SLCO3A1: variants seen among roughly 807,000 people sequenced by gnomAD.
The protein encoded by SLCO3A1 is PGE1 transporter.
Under a neutral mutation model 63.1 loss-of-function variants are expected in SLCO3A1, and 27 were observed. The observed-to-expected ratio is 0.43, with a 90% CI of 0.32 to 0.59. The LOEUF is 0.59. Among genes scored for constraint, SLCO3A1 ranks in the 20% least tolerant of loss-of-function variants. The pLI is 0.09. For missense variants in SLCO3A1, 773 were observed against 945.8 expected, an observed-to-expected ratio of 0.82 and a Z score of 2.40; for synonymous variants, 473 against 409.9, an observed-to-expected ratio of 1.15 and a Z score of -1.86.
At chr15:92,093,877 A>G (rs930648726) in intron 2 of SLCO3A1, among the ~76,000 whole-genome samples, 4 of 151,962 alleles carry the variant, frequency 2.6e-5, no homozygotes, top group Non-Finnish European at 5.9e-5. Flanking sequence ...AGTGACATTC[A>G]TCTCTCACCC....
rs374560884 is a variant in SLCO3A1, at chr15:92,150,312, A to G, written c.1689-638A>G. Among the ~76,000 whole-genome samples, 4 of 152,036 alleles carry G rather than the reference A, an allele frequency of 2.6e-5. No individual in the cohort carries two copies. In the East Asian group the frequency reaches 5.8e-4, roughly 22 times the overall value. ...GATTGAGGCTGGGTCTGCCTTTCCCACCCCACTGACTCACTCAAATGTTAA... is the reference window on the plus strand; with the variant it reads ...GATTGAGGCTGGGTCTGCCTTTCCCGCCCCACTGACTCACTCAAATGTTAA... On this transcript the variant is annotated intron_variant, in intron 8 of 9. Transcript: ENST00000318445.
chr15:91,996,053 G>T (rs530461256), intron 2 of SLCO3A1, among the ~76,000 whole-genome samples: 30 of 151,996 alleles, frequency 2.0e-4, no homozygotes, highest in Non-Finnish European at 4.3e-4. Flanking sequence ...AACAAAATAA[G>T]ATTAGAAAAG....
intron 2 of SLCO3A1, among the ~76,000 whole-genome samples, chr15:92,047,618 A>AT (rs377745850): frequency 3.0e-4 from 9 of 29,722 alleles, no homozygotes; most frequent in Non-Finnish European, 4.4e-4. Flanking sequence ...TATAATATAT[A>AT]AATATATATA....
chr15:92,167,824 TA>T (rs79676091), downstream of SLCO3A1, among the ~76,000 whole-genome samples: 5,960 of 152,266 alleles, frequency 0.039, 329 homozygotes, highest in East Asian at 0.27. Context: ...TTATCAAACC[TA>T]AAATGGAAAA....
chr15:92,095,750 C>G (rs753789694), intron 3 of SLCO3A1, among the ~76,000 whole-genome samples: 2 of 152,150 alleles, frequency 1.3e-5, no homozygotes, highest in Admixed American at 6.5e-5. Flanking sequence ...CTTGGCTCAT[C>G]GTGGTGACCT....
intron 2 of SLCO3A1, among the ~76,000 whole-genome samples, chr15:92,008,046 G>A (rs375739924): frequency 2.6e-5 from 4 of 152,184 alleles, no homozygotes; most frequent in Non-Finnish European, 4.4e-5. Flanking sequence ...AAGTCGGCTC[G>A]GTAAACAGGA....
intron 7 of SLCO3A1, among the ~76,000 whole-genome samples, chr15:92,130,183 TC>T (rs2047975559): frequency 6.6e-6 from 1 of 152,198 alleles, no homozygotes; most frequent in African/African-American, 2.4e-5. Context: ...AAATTGCATT[TC>T]CCCTGATCTT....
At chr15:91,959,146 A>T (rs895336232) in intron 2 of SLCO3A1, among the ~76,000 whole-genome samples, 1 of 152,204 alleles carries the variant, frequency 6.6e-6, no homozygotes, top group Non-Finnish European at 1.5e-5. Context: ...GGAGGCTGTT[A>T]TTCTAAGGGA....
intron 5 of SLCO3A1, 96 bp from the exon 6 acceptor site, chr15:92,125,965 C>T (rs1470965143): frequency 8.0e-6 from 8 of 996,508 alleles, no homozygotes; most frequent in African/African-American, 1.6e-5. Context: ...GGTCATAGGG[C>T]ATTCACGGGA....
intron 2 of SLCO3A1, among the ~76,000 whole-genome samples, chr15:92,010,101 C>T (rs1361215247): frequency 6.6e-6 from 1 of 152,196 alleles, no homozygotes; most frequent in Non-Finnish European, 1.5e-5. Flanking sequence ...GATAAACTAC[C>T]ACATGACACT....
intron 2 of SLCO3A1, among the ~76,000 whole-genome samples, chr15:91,959,638 C>T (rs957056535): frequency 8.1e-5 from 12 of 147,446 alleles, no homozygotes; most frequent in Admixed American, 4.8e-4. Flanking sequence ...GCAGGAGAAT[C>T]GCTTGAACCT....
chr15:91,877,860 A>G (rs1177770137), intron 1 of SLCO3A1, among the ~76,000 whole-genome samples: 1 of 152,136 alleles, frequency 6.6e-6, no homozygotes, highest in East Asian at 1.9e-4. Context: ...GCCTGCAGCC[A>G]AAAGTTAGGG....
chr15:92,163,243 G>T lies in SLCO3A1; in HGVS notation c.*108G>T. ...ACCAAAACTCAGTACACACACACAG[G>T]CACAGATGCACACACACGCAGACAG... On this transcript the variant is annotated 3_prime_UTR_variant, in exon 10 of 10. Coordinates refer to ENST00000318445, the MANE Select transcript of SLCO3A1 (RefSeq NM_013272.4). 1 of 1,415,884 alleles carries T rather than the reference G, an allele frequency of 7.1e-7. No individual in the cohort carries two copies. The allele number at this position is 1,415,884 out of a possible 1,614,324, so 87.7% of individuals were successfully genotyped here. A position where few individuals can be genotyped will look rare whatever the true frequency, so the allele number is the denominator to read the frequency against.
chr15:92,162,698 G>C (rs973787220), intron 9 of SLCO3A1, 58 bp from the exon 10 acceptor site: 1 of 1,550,726 alleles, frequency 6.4e-7, no homozygotes, highest in Non-Finnish European at 8.7e-7. Flanking sequence ...GCAGAGACAG[G>C]AACAGGGGAG....
At chr15:92,072,106 T>C (rs1157862425) in intron 2 of SLCO3A1, among the ~76,000 whole-genome samples, 1 of 152,184 alleles carries the variant, frequency 6.6e-6, no homozygotes, top group Non-Finnish European at 1.5e-5. Flanking sequence ...AGTTAGTTCA[T>C]AGGTTTCAAG....
Position 91,853,801 on chromosome 15 carries a change from G to C in SLCO3A1, c.-108G>C. 2 of 1,058,732 alleles carry C rather than the reference G, an allele frequency of 1.9e-6. No individual in the cohort carries two copies. The highest frequency in any genetic ancestry group is 3.4e-5 in the African/African-American group (2 of 58,590). 65.6% of individuals were successfully genotyped at this position (1,058,732 alleles called of 1,614,324 possible). A position where few individuals can be genotyped will look rare whatever the true frequency, so the allele number is the denominator to read the frequency against. On this transcript the variant is annotated 5_prime_UTR_variant, in exon 1 of 10. Transcript: ENST00000318445. The stretch of plus-strand genomic sequence containing the variant: ...GGCGGCCGCCGCGAACCCGGGGCGG[G>C]GACAGCACGCAGCCTCGAGGCGCGC...
chr15:92,016,712 G>A (rs1386768479), intron 2 of SLCO3A1, among the ~76,000 whole-genome samples: 2 of 152,190 alleles, frequency 1.3e-5, no homozygotes, highest in African/African-American at 4.8e-5. Flanking sequence ...AAGCAAGGAT[G>A]GATGGGACAT....
rs1897967022 is a variant in SLCO3A1, at chr15:91,894,949, C to G, written c.181-21044C>G. On this transcript the variant is annotated intron_variant, in intron 1 of 9. Coordinates refer to ENST00000318445, the MANE Select transcript of SLCO3A1 (RefSeq NM_013272.4). The surrounding 1 kb of genome is among the most constrained non-coding windows in gnomAD (Gnocchi z 4.8). ...GTTGTTCCTAATCCATACCTGCATC[C>G]TGGACTTGTGGCTGTGAGTCTCCAG... Among the ~76,000 whole-genome samples the G allele has an allele frequency of 6.6e-6, 1 of 152,322 alleles. No individual in the cohort carries two copies. Among genetic ancestry groups the G allele is most frequent in the East Asian group, 1.9e-4 (1 of 5,180 alleles).
At chr15:92,040,448 G>T (rs2046783739) in intron 2 of SLCO3A1, among the ~76,000 whole-genome samples, 1 of 152,166 alleles carries the variant, frequency 6.6e-6, no homozygotes, top group South Asian at 2.1e-4. Context: ...ATTTGAATCT[G>T]CTGTGCCCAG....
Sources: allele counts gnomAD v4.1 joint callset (sites outside exome capture counted in the v4.1 genomes callset), GRCh38; gene constraint gnomAD v4.1.1; non-coding constraint Gnocchi (gnomAD v3.1); transcripts MANE v1.5; gene names NCBI Gene and HGNC (gene_info 2026-07-23, HGNC 2026-07-21).